DGKB: variants seen among roughly 807,000 people sequenced by gnomAD.
DGKB encodes 90 kDa diacylglycerol kinase.
Under a neutral mutation model 114.3 loss-of-function variants are expected in DGKB, and 67 were observed. The ratio of observed to expected loss-of-function variants is 0.59; its 90% confidence interval spans 0.48 to 0.72. The LOEUF is 0.72. DGKB is among the 30% of genes least tolerant of loss of function. The pLI, the probability that DGKB is intolerant of heterozygous loss-of-function variation, is 0.00. For missense variants in DGKB, 907 were observed against 975.2 expected (o/e 0.93, Z 0.93); for synonymous variants, 398 against 323.1 (o/e 1.23, Z -2.49).
intron 5 of DGKB, among the ~76,000 whole-genome samples, chr7:14,730,270 G>A (rs541526094): frequency 6.6e-6 from 1 of 152,268 alleles, no homozygotes; most frequent in South Asian, 2.1e-4. Flanking sequence ...ATACTAAATG[G>A]TTGGAGTTGG....
Position 14,149,163 on chromosome 7 carries a change from C to G in DGKB, c.2380G>C (p.Val794Leu), listed in dbSNP as rs78008037. The change falls in exon 26 of 26, where the codon GTC (valine) becomes CTC (leucine). Residue 794 changes from valine (V) to leucine (L), a missense_variant. Coordinates refer to ENST00000402815, the MANE Select transcript of DGKB (RefSeq NM_001350709.2). Reference sequence around the variant, plus strand: ...TTGCTTCGGTTTCTTGTCCTTTTGACGAGGGAGCAGAATAAACCGGTTTTT... The same window carrying G: ...TTGCTTCGGTTTCTTGTCCTTTTGAGGAGGGAGCAGAATAAACCGGTTTTT... ...PPKTGLFCSL[V>L]KRTRNRSKE 6.2e-7 allele frequency: 1 copy of G among 1,613,284 alleles called. No individual in the cohort carries two copies. The highest frequency in any genetic ancestry group is 1.7e-5 in the Admixed American group (1 of 59,974).
intron 21 of DGKB, among the ~76,000 whole-genome samples, chr7:14,395,552 A>G (rs545155635): frequency 6.6e-6 from 1 of 151,922 alleles, no homozygotes; most frequent in Non-Finnish European, 1.5e-5. Flanking sequence ...CCATATAGTG[A>G]TGAGATTTAA....
chr7:14,171,156 C>T (rs1190410470), intron 25 of DGKB, among the ~76,000 whole-genome samples: 1 of 152,064 alleles, frequency 6.6e-6, no homozygotes, highest in Non-Finnish European at 1.5e-5. Flanking sequence ...GGTTTAAGAT[C>T]TTAAGAGGTA....
At chr7:14,255,353 C>T (rs993227541) in intron 23 of DGKB, among the ~76,000 whole-genome samples, 2 of 152,120 alleles carry the variant, frequency 1.3e-5, no homozygotes, top group African/African-American at 4.8e-5. Context: ...ATGCAATCAG[C>T]AGAGTCAATA....
At chr7:14,737,389 G>C (rs903413669) in intron 4 of DGKB, among the ~76,000 whole-genome samples, 8 of 149,466 alleles carry the variant, frequency 5.4e-5, no homozygotes, top group Non-Finnish European at 1.0e-4. Flanking sequence ...TTGCTGGCAG[G>C]TAAGAATAAA....
At chr7:14,799,297 A>T (rs1374112228) in intron 2 of DGKB, among the ~76,000 whole-genome samples, 5 of 152,154 alleles carry the variant, frequency 3.3e-5, no homozygotes, top group African/African-American at 7.2e-5. Flanking sequence ...TCACTGTCCT[A>T]CCTCAGGGAT....
chr7:14,726,432 C>T (rs1214817782), intron 5 of DGKB, among the ~76,000 whole-genome samples: 3 of 152,120 alleles, frequency 2.0e-5, no homozygotes, highest in African/African-American at 4.8e-5. Flanking sequence ...CGTGCCCGGC[C>T]AGAATCGGAG....
In DGKB at chr7:14,195,921, A is replaced by G. The variant is rs150897468; in HGVS notation, c.2123-17770T>C. 6.0e-3 allele frequency among the ~76,000 whole-genome samples: 918 copies of G among 152,314 alleles called. 7 individuals carry two copies. Among genetic ancestry groups the G allele is most frequent in the Middle Eastern group, 0.02 (6 of 294 alleles). ...ATTTGAGGTTATTGTGCATAAAACCATTGCTGGTCAGAAGTAAATCTTACT... is the reference window on the plus strand; with the variant it reads ...ATTTGAGGTTATTGTGCATAAAACCGTTGCTGGTCAGAAGTAAATCTTACT... On this transcript the variant is annotated intron_variant, in intron 23 of 25. Transcript: ENST00000402815.
intron 10 of DGKB, 52 bp downstream of exon 10, chr7:14,685,193 C>G: frequency 8.2e-7 from 1 of 1,215,604 alleles, no homozygotes; most frequent in Non-Finnish European, 1.2e-6. Flanking sequence ...TCCATGAAAT[C>G]AACCTTTCCT....
chr7:14,641,356 A>T (rs1811762203), intron 13 of DGKB, among the ~76,000 whole-genome samples: 1 of 151,824 alleles, frequency 6.6e-6, no homozygotes, highest in African/African-American at 2.4e-5. Context: ...GCATTTTACA[A>T]TACAAAGATT....
At chr7:14,925,865 T>TC (rs36061275) in intron 1 of DGKB, among the ~76,000 whole-genome samples, 20,151 of 148,658 alleles carry the variant, frequency 0.14, 1,950 homozygotes, top group East Asian at 0.48. Flanking sequence ...AATAATTGGG[T>TC]CCCCCCCCCA....
intron 2 of DGKB, among the ~76,000 whole-genome samples, chr7:14,805,748 T>A (rs1842720344): frequency 6.6e-6 from 1 of 151,816 alleles, no homozygotes; most frequent in African/African-American, 2.4e-5. Flanking sequence ...TGCAATTCTA[T>A]CTTGGCAAGA....
intron 23 of DGKB, among the ~76,000 whole-genome samples, chr7:14,321,509 C>G (rs972177374): frequency 6.6e-6 from 1 of 151,514 alleles, no homozygotes; most frequent in African/African-American, 2.4e-5. Flanking sequence ...ATTGAAATCT[C>G]CCCCACAGCC....
chr7:14,477,873 A>T (rs1004526239), intron 21 of DGKB, among the ~76,000 whole-genome samples: 1 of 152,096 alleles, frequency 6.6e-6, no homozygotes, highest in African/African-American at 2.4e-5. Context: ...GAAAACTTCC[A>T]GTGTGTCTTA....
chr7:14,481,020 T>TA (rs1304978114), intron 20 of DGKB, among the ~76,000 whole-genome samples: 6 of 151,914 alleles, frequency 3.9e-5, no homozygotes, highest in Admixed American at 3.3e-4. Flanking sequence ...TTTAATTAAT[T>TA]AAAAAAATCT....
At chr7:14,883,090 G>GA (rs1489837192) in intron 1 of DGKB, among the ~76,000 whole-genome samples, 7 of 151,934 alleles carry the variant, frequency 4.6e-5, no homozygotes, top group African/African-American at 9.6e-5. Context: ...ATGCTTTCCA[G>GA]AAAAAATGTA....
At chr7:14,415,234 G>A (rs1272267319) in intron 21 of DGKB, among the ~76,000 whole-genome samples, 1 of 151,828 alleles carries the variant, frequency 6.6e-6, no homozygotes, top group Non-Finnish European at 1.5e-5. Flanking sequence ...GATTAACATT[G>A]AGTCAAATGA....
At chr7:14,269,727 C>A in intron 23 of DGKB, among the ~76,000 whole-genome samples, 1 of 152,072 alleles carries the variant, frequency 6.6e-6, no homozygotes, top group Non-Finnish European at 1.5e-5. Context: ...TTAGAAACTT[C>A]CTATTTCAAT....
chr7:14,813,137 G>C (rs1843656927), intron 2 of DGKB, among the ~76,000 whole-genome samples: 1 of 152,170 alleles, frequency 6.6e-6, no homozygotes, highest in South Asian at 2.1e-4. Context: ...GAGGAATTCA[G>C]TAATTTTATT....
Sources: gnomAD v4.1 joint callset for allele counts (sites outside exome capture counted in the v4.1 genomes callset) on GRCh38, gnomAD v4.1.1 for gene constraint, MANE v1.5 for transcripts, NCBI Gene and HGNC (gene_info 2026-07-23, HGNC 2026-07-21) for gene names.